GREM2: variants seen among roughly 807,000 people sequenced by gnomAD.
GREM2 encodes gremlin 2, DAN family BMP antagonist.
Under a neutral mutation model 14.2 loss-of-function variants are expected in GREM2, and 11 were observed. That is an observed-to-expected ratio of 0.78 (90% CI 0.49 to 1.28). The LOEUF (loss-of-function observed/expected upper bound fraction) is 1.28, where lower values mean the gene tolerates loss of function less well. Among genes scored for constraint, GREM2 ranks in the 50% most tolerant of loss-of-function variants. The pLI, the probability that GREM2 is intolerant of heterozygous loss-of-function variation, is 0.00. For missense variants in GREM2, 210 were observed against 218.5 expected, an observed-to-expected ratio of 0.96 and a Z score of 0.24; for synonymous variants, 98 against 97.6, an observed-to-expected ratio of 1.00 and a Z score of -0.02.
intron 1 of GREM2, among the ~76,000 whole-genome samples, chr1:240,569,570 A>G (rs189951282): frequency 6.6e-6 from 1 of 152,330 alleles, no homozygotes; most frequent in African/African-American, 2.4e-5. Context: ...AATTTTTGAC[A>G]AAGATGTAAA....
chr1:240,544,642 C>T (rs1678677248), intron 1 of GREM2, among the ~76,000 whole-genome samples: 1 of 152,202 alleles, frequency 6.6e-6, no homozygotes, highest in Admixed American at 6.5e-5. Flanking sequence ...TTTCATTCCT[C>T]TGTTTTTAGC....
chr1:240,588,135 A>T (rs1679636195), intron 1 of GREM2, among the ~76,000 whole-genome samples: 1 of 152,186 alleles, frequency 6.6e-6, no homozygotes, highest in African/African-American at 2.4e-5. Flanking sequence ...TACCTCCCAG[A>T]AGGGACGATT....
intron 1 of GREM2, among the ~76,000 whole-genome samples, chr1:240,501,057 G>C (rs1677560247): frequency 6.6e-6 from 1 of 152,170 alleles, no homozygotes; most frequent in Non-Finnish European, 1.5e-5. Flanking sequence ...AAACATTTGA[G>C]ATGGCATCTT....
intron 1 of GREM2, among the ~76,000 whole-genome samples, chr1:240,579,580 A>G (rs1558170617): frequency 6.6e-6 from 1 of 152,184 alleles, no homozygotes; most frequent in African/African-American, 2.4e-5. Context: ...ATGGGAAAGC[A>G]AAGGTGTTTC....
At chr1:240,583,165 G>A (rs1391042008) in intron 1 of GREM2, among the ~76,000 whole-genome samples, 1 of 152,022 alleles carries the variant, frequency 6.6e-6, no homozygotes, top group African/African-American at 2.4e-5. Flanking sequence ...TCATCTGAAA[G>A]TACAGTTTCT....
chr1:240,594,249 G>A (rs1014332520), intron 1 of GREM2, among the ~76,000 whole-genome samples: 1 of 152,132 alleles, frequency 6.6e-6, no homozygotes, highest in Non-Finnish European at 1.5e-5. Context: ...GTGAGCCACT[G>A]CTCCCGGCCT....
chr1:240,602,959 G>A (rs1291168319), intron 1 of GREM2, among the ~76,000 whole-genome samples: 1 of 152,074 alleles, frequency 6.6e-6, no homozygotes, highest in Non-Finnish European at 1.5e-5. Context: ...TGTAGTCCCA[G>A]CTACTCGGGA....
At chr1:240,513,761 G>A (rs982981609) in intron 1 of GREM2, among the ~76,000 whole-genome samples, 2 of 152,076 alleles carry the variant, frequency 1.3e-5, no homozygotes, top group African/African-American at 4.8e-5. Context: ...AGGGTTTAGA[G>A]TAGCAAAGTG....
At chr1:240,599,268 A>G (rs1452460293) in intron 1 of GREM2, among the ~76,000 whole-genome samples, 2 of 65,112 alleles carry the variant, frequency 3.1e-5, no homozygotes, top group African/African-American at 1.3e-4. Context: ...ACTCTGTCTC[A>G]AAAAAAAAAA....
intron 1 of GREM2, among the ~76,000 whole-genome samples, chr1:240,538,606 G>A (rs1437172965): frequency 1.3e-5 from 2 of 151,768 alleles, no homozygotes; most frequent in Admixed American, 1.3e-4. Flanking sequence ...TAGTCCCAGC[G>A]ACTTGGGAGA....
chr1:240,578,784 AAAAATAAAATAAAAT>A (rs150700705), intron 1 of GREM2, among the ~76,000 whole-genome samples: 2 of 146,990 alleles, frequency 1.4e-5, no homozygotes, highest in Admixed American at 6.8e-5. Context: ...ACTCAGTCTC[AAAAATAAAATAAAAT>A]AAAATAAAAT....
chr1:240,598,845 A>T (rs1018798275), intron 1 of GREM2, among the ~76,000 whole-genome samples: 4 of 152,168 alleles, frequency 2.6e-5, no homozygotes, highest in African/African-American at 7.2e-5. Context: ...CTTGCCCCAT[A>T]GTGCATAGTC....
intron 1 of GREM2, among the ~76,000 whole-genome samples, chr1:240,584,042 G>T (rs1236988751): frequency 6.6e-6 from 1 of 152,060 alleles, no homozygotes; most frequent in Non-Finnish European, 1.5e-5. Context: ...CTTTACAGTT[G>T]GGCCTCCATA....
chr1:240,497,244 A>T (rs1026013784), intron 1 of GREM2, among the ~76,000 whole-genome samples: 7 of 152,082 alleles, frequency 4.6e-5, no homozygotes, highest in Non-Finnish European at 1.0e-4. Context: ...CATTCTTTTT[A>T]AAAAAAGTTT....
intron 1 of GREM2, among the ~76,000 whole-genome samples, chr1:240,583,254 GA>G (rs909248534): frequency 1.3e-5 from 2 of 151,574 alleles, no homozygotes; most frequent in South Asian, 2.1e-4. Context: ...TCTCATGGAG[GA>G]AAAAAAAGGG....
At chr1:240,501,574 G>A (rs573528998) in intron 1 of GREM2, among the ~76,000 whole-genome samples, 1 of 152,304 alleles carries the variant, frequency 6.6e-6, no homozygotes, top group East Asian at 1.9e-4. Context: ...AAGCAAGATG[G>A]CAGCAAAGCA....
intron 1 of GREM2, among the ~76,000 whole-genome samples, chr1:240,565,257 T>C (rs997839722): frequency 2.0e-5 from 3 of 152,180 alleles, no homozygotes; most frequent in South Asian, 2.1e-4. Flanking sequence ...TCAAAAGTTA[T>C]GCATGGTTGT....
At chr1:240,588,649 A>ACCGGAACCTATGTTTGTT (rs1373763099) in intron 1 of GREM2, 2 of 152,184 alleles carry the variant, frequency 1.3e-5, no homozygotes, top group African/African-American at 4.8e-5. Flanking sequence ...TAGAGCCTGA[A>ACCGGAACCTATGTTTGTT]CCGGAACCTA....
At chr1:240,561,980 A>T (rs1165154768) in intron 1 of GREM2, among the ~76,000 whole-genome samples, 2 of 152,146 alleles carry the variant, frequency 1.3e-5, no homozygotes. Context: ...CTTGTAAACC[A>T]CTTCTTGTTT....
Sources: gnomAD v4.1 joint callset for allele counts (sites outside exome capture counted in the v4.1 genomes callset) on GRCh38, gnomAD v4.1.1 for gene constraint, MANE v1.5 for transcripts, NCBI Gene and HGNC (gene_info 2026-07-23, HGNC 2026-07-21) for gene names.